CASP5: variants seen among roughly 807,000 people sequenced by gnomAD.
CASP5 encodes the protein caspase-5.
In CASP5, 42 loss-of-function variants were observed where a neutral mutation model predicts 45.2. The observed-to-expected ratio is 0.93, with a 90% CI of 0.73 to 1.20. The LOEUF is 1.20. Among genes scored for constraint, CASP5 ranks in the 50% most tolerant of loss-of-function variants. CASP5 has a pLI of 0.00. For synonymous variants in CASP5, 209 were observed against 186.2 expected, an observed-to-expected ratio of 1.12 and a Z score of -1.00; for missense variants, 512 against 532.2, an observed-to-expected ratio of 0.96 and a Z score of 0.37.
chr11:105,004,465 A>G (rs996194929), intron 3 of CASP5, among the ~76,000 whole-genome samples: 2 of 152,202 alleles, frequency 1.3e-5, no homozygotes, highest in African/African-American at 4.8e-5. Context: ...GAATTTATGT[A>G]TACAAATTCA....
chr11:105,003,804 T>C (rs1293025331), intron 3 of CASP5, among the ~76,000 whole-genome samples: 1 of 151,922 alleles, frequency 6.6e-6, no homozygotes, highest in Non-Finnish European at 1.5e-5. Context: ...CAATGTGAGT[T>C]CCATATGCAA....
intron 6 of CASP5, 97 bp downstream of exon 6, chr11:105,000,164 G>A: frequency 8.0e-7 from 1 of 1,248,628 alleles, no homozygotes; most frequent in East Asian, 2.3e-5. Flanking sequence ...ATTTGCACTG[G>A]ATGGGGTCTA....
chr11:105,018,181 G>A (rs1198821230), intron 1 of CASP5, among the ~76,000 whole-genome samples: 5 of 151,662 alleles, frequency 3.3e-5, no homozygotes, highest in African/African-American at 7.3e-5. Context: ...AGGAACAACC[G>A]GTACCAGCCG....
intron 1 of CASP5, among the ~76,000 whole-genome samples, chr11:105,014,150 C>G (rs1429383236): frequency 3.9e-5 from 6 of 152,106 alleles, no homozygotes; most frequent in Admixed American, 3.3e-4. Context: ...CTCATTCAGC[C>G]TCATCTTCTG....
chr11:105,010,030 C>T (rs1182608287), intron 1 of CASP5, among the ~76,000 whole-genome samples: 1 of 150,220 alleles, frequency 6.7e-6, no homozygotes, highest in Non-Finnish European at 1.5e-5. Context: ...CAGATATCTC[C>T]TCTCTTCTGT....
chr11:105,013,100 A>G (rs778728015), intron 1 of CASP5, among the ~76,000 whole-genome samples: 7 of 151,976 alleles, frequency 4.6e-5, no homozygotes, highest in East Asian at 1.9e-4. Context: ...AAAGAAAGAA[A>G]TCTTGTCATT....
chr11:105,003,228 C>A, intron 4 of CASP5, 46 bp downstream of exon 4: 1 of 1,156,510 alleles, frequency 8.6e-7, no homozygotes, highest in Non-Finnish European at 1.3e-6. Flanking sequence ...TTAATGAAAG[C>A]AATTGTTTCT....
intron 1 of CASP5, among the ~76,000 whole-genome samples, chr11:105,011,747 G>A (rs1283154808): frequency 6.6e-6 from 1 of 151,622 alleles, no homozygotes; most frequent in African/African-American, 2.4e-5. Context: ...AAAAGTTAAA[G>A]ATGTATATAC....
chr11:104,999,230 G>A (rs942533988), intron 6 of CASP5, among the ~76,000 whole-genome samples: 1 of 152,016 alleles, frequency 6.6e-6, no homozygotes, highest in African/African-American at 2.4e-5. Flanking sequence ...ACTGGCCCCG[G>A]TGTGTGATAT....
chr11:105,016,945 G>A (rs1252576381), intron 1 of CASP5, among the ~76,000 whole-genome samples: 3 of 151,512 alleles, frequency 2.0e-5, no homozygotes, highest in Non-Finnish European at 4.4e-5. Context: ...CTCCCAGCAC[G>A]CAGCTGGAGA....
At chr11:105,007,411 T>A in intron 2 of CASP5, 77 bp from the exon 3 acceptor site, 1 of 1,356,024 alleles carries the variant, frequency 7.4e-7, no homozygotes, top group Non-Finnish European at 1.0e-6. Flanking sequence ...CATAACTCTG[T>A]AATATGAAAC....
At chr11:105,011,329 T>C (rs887103042) in intron 1 of CASP5, among the ~76,000 whole-genome samples, 3 of 151,814 alleles carry the variant, frequency 2.0e-5, no homozygotes, top group South Asian at 4.1e-4. Flanking sequence ...ATGCCACTTA[T>C]AGAAAACACA....
At chr11:105,000,920 T>A (rs1335409401) in intron 5 of CASP5, among the ~76,000 whole-genome samples, 4 of 152,200 alleles carry the variant, frequency 2.6e-5, no homozygotes, top group South Asian at 4.1e-4. Flanking sequence ...ACTATGTCTG[T>A]TCTGCTTCAA....
At position 105,000,383 on chromosome 11, in the gene CASP5, G is replaced by A. The variant is rs1213732303; in HGVS notation, c.830C>T (p.Ala277Val). ...HGILEGICGTAHKKKKPDVLL... is the reference protein window; with the variant it reads ...HGILEGICGTVHKKKKPDVLL... Reference sequence around the variant, plus strand: ...CACATCCGGTTTTTTCTTTTTATGCGCAGTTCCGCAGATTCCCTCTAGGAT... The same window carrying A: ...CACATCCGGTTTTTTCTTTTTATGCACAGTTCCGCAGATTCCCTCTAGGAT... Residue 277 changes from alanine (A) to valine (V), a missense_variant, in exon 6 of 10, where the codon GCG becomes GTG. Coordinates refer to ENST00000260315, the MANE Select transcript of CASP5 (RefSeq NM_004347.5). 5.6e-6 allele frequency: 9 copies of A among 1,614,000 alleles called. No homozygotes were observed. The highest frequency in any genetic ancestry group is 1.3e-5 in the African/African-American group (1 of 74,894).
chr11:105,001,394 C>T (rs1010147221), intron 5 of CASP5, among the ~76,000 whole-genome samples: 4 of 152,264 alleles, frequency 2.6e-5, no homozygotes, highest in South Asian at 2.1e-4. Flanking sequence ...GGGCCGGGTG[C>T]GGTGGCTCAC....
At chr11:105,005,621 G>T (rs1861965596) in intron 3 of CASP5, among the ~76,000 whole-genome samples, 1 of 152,104 alleles carries the variant, frequency 6.6e-6, no homozygotes, top group African/African-American at 2.4e-5. Context: ...CAGATAGAGT[G>T]CAGAGAGCCA....
intron 2 of CASP5, 35 bp downstream of exon 2, chr11:105,008,772 A>T: frequency 6.8e-7 from 1 of 1,480,804 alleles, no homozygotes; most frequent in East Asian, 2.3e-5. Context: ...ATTCTAAAAA[A>T]TTGGAAATAT....
intron 5 of CASP5, among the ~76,000 whole-genome samples, chr11:105,001,357 T>C (rs1435136291): frequency 6.6e-6 from 1 of 152,198 alleles, no homozygotes; most frequent in African/African-American, 2.4e-5. Flanking sequence ...AGTTTGGATT[T>C]AATATTTGTT....
At position 105,022,799 on chromosome 11, in the gene CASP5, GAGA is replaced by G. The variant is rs777840900; in HGVS notation, c.7+328_7+330del. On this transcript the variant is annotated intron_variant, in intron 1 of 9. Coordinates refer to ENST00000260315, the MANE Select transcript of CASP5 (RefSeq NM_004347.5). ...ATTAATTTGGAATCAAGAGGAAGCAGAGAAGATTTCAGAGTGCATTTAGAAATT... is the reference window on the plus strand; with the variant it reads ...ATTAATTTGGAATCAAGAGGAAGCAGAGATTTCAGAGTGCATTTAGAAATT... Among the ~76,000 whole-genome samples the G allele has an allele frequency of 6.6e-5, 10 of 152,224 alleles. No individual in the cohort carries two copies. The South Asian group carries it at 1.0e-3, about 16-fold the overall frequency.
Sources: gnomAD v4.1 joint callset for allele counts (sites outside exome capture counted in the v4.1 genomes callset) on GRCh38, gnomAD v4.1.1 for gene constraint, MANE v1.5 for transcripts, NCBI Gene and HGNC (gene_info 2026-07-23, HGNC 2026-07-21) for gene names.